The following SLC2A13 variants were observed in gnomAD, a reference collection of about 807,000 sequenced individuals.
The protein encoded by SLC2A13 is solute carrier family 2 member 13.
In SLC2A13, 32 loss-of-function variants were observed where a neutral mutation model predicts 64.4. The ratio of observed to expected loss-of-function variants is 0.50; its 90% CI spans 0.37 to 0.67. The LOEUF (loss-of-function observed/expected upper bound fraction) is 0.67. Among genes scored for constraint, SLC2A13 ranks in the 30% least tolerant of loss-of-function variants. The pLI is 0.00. For missense variants in SLC2A13, 743 were observed against 829.2 expected (o/e 0.90, Z 1.28); for synonymous variants, 338 against 327.1 (o/e 1.03, Z -0.36).
At chr12:40,084,706 G>A (rs1360792387) in intron 1 of SLC2A13, among the ~76,000 whole-genome samples, 1 of 152,020 alleles carries the variant, frequency 6.6e-6, no homozygotes. Flanking sequence ...TATGAGACTA[G>A]GATTGAGGAC....
intron 1 of SLC2A13, among the ~76,000 whole-genome samples, chr12:40,084,632 C>A (rs1938532733): frequency 6.6e-6 from 1 of 152,094 alleles, no homozygotes; most frequent in East Asian, 1.9e-4. Context: ...TAAGGCAGCA[C>A]TGGGCTTACA....
chr12:39,977,518 A>AT (rs1296726567), intron 3 of SLC2A13, among the ~76,000 whole-genome samples: 2 of 152,264 alleles, frequency 1.3e-5, no homozygotes, highest in African/African-American at 4.8e-5. Context: ...AAGAACGGTT[A>AT]TTAAATAATG....
intron 3 of SLC2A13, among the ~76,000 whole-genome samples, chr12:39,964,137 T>A (rs919955814): frequency 6.6e-6 from 1 of 152,142 alleles, no homozygotes; most frequent in Non-Finnish European, 1.5e-5. Context: ...CCCAGAACTA[T>A]ATATATAAAA....
At chr12:39,872,038 A>C (rs1944070199) in intron 4 of SLC2A13, 77 bp from the exon 5 acceptor site, 1 of 1,269,780 alleles carries the variant, frequency 7.9e-7, no homozygotes, top group Non-Finnish European at 1.0e-6. Context: ...AAAAAGATGT[A>C]TTCAATTTGA....
chr12:39,986,937 C>T (rs1218273353), intron 3 of SLC2A13, among the ~76,000 whole-genome samples: 1 of 152,096 alleles, frequency 6.6e-6, no homozygotes, highest in African/African-American at 2.4e-5. Context: ...ATGTTATTTC[C>T]TAGAGACACA....
intron 3 of SLC2A13, among the ~76,000 whole-genome samples, chr12:39,973,221 A>G (rs1946697713): frequency 6.6e-6 from 1 of 152,210 alleles, no homozygotes; most frequent in South Asian, 2.1e-4. Flanking sequence ...AGCAGATTCA[A>G]TGATCAAGTC....
At chr12:40,036,828 C>T (rs1223925352) in intron 2 of SLC2A13, among the ~76,000 whole-genome samples, 1 of 152,162 alleles carries the variant, frequency 6.6e-6, no homozygotes, top group Non-Finnish European at 1.5e-5. Context: ...TAGTGGATAT[C>T]TTTGCCTAGC....
At chr12:40,098,140 T>C (rs2708446) in intron 1 of SLC2A13, among the ~76,000 whole-genome samples, 20,205 of 152,008 alleles carry the variant, frequency 0.13, 1,401 homozygotes, top group South Asian at 0.23. Context: ...TGTATATATA[T>C]ACACACACAT....
intron 2 of SLC2A13, among the ~76,000 whole-genome samples, chr12:40,031,852 T>C (rs531311764): frequency 1.7e-4 from 26 of 152,280 alleles, no homozygotes; most frequent in African/African-American, 6.3e-4. Context: ...GAGAAGGCTC[T>C]TCATAAACTA....
intron 3 of SLC2A13, among the ~76,000 whole-genome samples, chr12:40,024,209 A>G (rs1158146761): frequency 6.6e-6 from 1 of 152,218 alleles, no homozygotes; most frequent in Non-Finnish European, 1.5e-5. Context: ...GATGGAAATC[A>G]TATTAATGTT....
chr12:40,007,655 G>A (rs1947448448), intron 3 of SLC2A13, among the ~76,000 whole-genome samples: 1 of 152,046 alleles, frequency 6.6e-6, no homozygotes, highest in African/African-American at 2.4e-5. Context: ...TGAATTCTTA[G>A]TTCTTCTATT....
intron 4 of SLC2A13, among the ~76,000 whole-genome samples, chr12:39,894,902 G>A (rs1944701674): frequency 6.6e-6 from 1 of 152,204 alleles, no homozygotes; most frequent in Non-Finnish European, 1.5e-5. Flanking sequence ...ACCATCGGAT[G>A]CTTACAAGAA....
intron 7 of SLC2A13, among the ~76,000 whole-genome samples, chr12:39,798,545 G>A (rs549891733): frequency 1.6e-4 from 24 of 152,266 alleles, no homozygotes; most frequent in Middle Eastern, 3.4e-3. Context: ...TACTTATTAC[G>A]CATAAGAGCG....
intron 7 of SLC2A13, among the ~76,000 whole-genome samples, chr12:39,787,690 T>C (rs1941239412): frequency 6.6e-6 from 1 of 152,190 alleles, no homozygotes; most frequent in South Asian, 2.1e-4. Context: ...GGATAAATTT[T>C]AGCATGCAAA....
chr12:39,990,361 G>C (rs778020383), intron 3 of SLC2A13, among the ~76,000 whole-genome samples: 2 of 152,190 alleles, frequency 1.3e-5, no homozygotes, highest in Non-Finnish European at 2.9e-5. Context: ...ATTCACATGA[G>C]AGATAAATAC....
Position 39,876,303 on chromosome 12 carries a change from C to CT in SLC2A13, c.1035-4343dup, listed in dbSNP as rs145392495. Among the ~76,000 whole-genome samples the CT allele has an allele frequency of 5.6e-4, 85 of 152,324 alleles. 1 individual carries two copies. In the East Asian group the frequency reaches 0.015, roughly 27 times the overall value. Reference sequence around the variant, plus strand: ...ACATATAGGCTTTGGAAATGACAGTCTATCCTAATGCTGACTTTTAACTAG... The same window carrying CT: ...ACATATAGGCTTTGGAAATGACAGTCTTATCCTAATGCTGACTTTTAACTAG... On this transcript the variant is annotated intron_variant, in intron 4 of 9. Transcript: ENST00000280871.
In SLC2A13 at chr12:40,088,688, CTTAAGA is replaced by C. The variant is rs1028013788; in HGVS notation, c.556+16559_556+16564del. Reference sequence around the variant, plus strand: ...AAAAATGCTTTTTATTCACACTTTACTTAAGATTAAGAAACCTCAAAAACACCAAAG... The same window carrying C: ...AAAAATGCTTTTTATTCACACTTTACTTAAGAAACCTCAAAAACACCAAAG... On this transcript the variant is annotated intron_variant, in intron 1 of 9. Transcript: ENST00000280871. Among the ~76,000 whole-genome samples, 36 of 152,240 alleles carry C rather than the reference CTTAAGA, an allele frequency of 2.4e-4. 1 individual carries two copies. The highest frequency in any genetic ancestry group is 8.4e-4 in the African/African-American group (35 of 41,548).
intron 4 of SLC2A13, among the ~76,000 whole-genome samples, chr12:39,921,695 T>C (rs1945617812): frequency 6.6e-6 from 1 of 152,148 alleles, no homozygotes; most frequent in Non-Finnish European, 1.5e-5. Flanking sequence ...TAAGTTCAAG[T>C]AACCCTAACT....
intron 3 of SLC2A13, among the ~76,000 whole-genome samples, chr12:39,999,165 T>C (rs1403464560): frequency 6.6e-6 from 1 of 152,200 alleles, no homozygotes; most frequent in Non-Finnish European, 1.5e-5. Context: ...ACTATGATAA[T>C]TGTGTTAACT....
Sources: allele counts gnomAD v4.1 joint callset (sites outside exome capture counted in the v4.1 genomes callset), GRCh38; gene constraint gnomAD v4.1.1; transcripts MANE v1.5; gene names NCBI Gene and HGNC (gene_info 2026-07-23, HGNC 2026-07-21).